The following MBOAT1 variants were observed in gnomAD, a reference collection of about 807,000 sequenced individuals.
MBOAT1 encodes membrane bound glycerophospholipid O-acyltransferase 1, also known as membrane-bound glycerophospholipid O-acyltransferase 1.
Under a neutral mutation model 64.4 loss-of-function variants are expected in MBOAT1, and 67 were observed. The observed-to-expected ratio is 1.04, with a 90% CI of 0.85 to 1.27. MBOAT1 has a LOEUF of 1.27. Among genes scored for constraint, MBOAT1 ranks in the 50% most tolerant of loss-of-function variants. MBOAT1 has a pLI of 0.00. For synonymous variants in MBOAT1, 229 were observed against 218.9 expected (o/e 1.05, Z -0.41); for missense variants, 563 against 604.6 (o/e 0.93, Z 0.72).
chr6:20,180,501 G>A (rs1329422931), intron 1 of MBOAT1, among the ~76,000 whole-genome samples: 1 of 152,120 alleles, frequency 6.6e-6, no homozygotes, highest in Non-Finnish European at 1.5e-5. Flanking sequence ...CCCTCGGACA[G>A]CTCGCTAACC....
intron 1 of MBOAT1, among the ~76,000 whole-genome samples, chr6:20,198,227 CAAA>C (rs5874758): frequency 1.8e-4 from 23 of 125,570 alleles, no homozygotes; most frequent in Admixed American, 4.8e-4. Context: ...GACTGTGTCT[CAAA>C]AAAAAAAAAA....
intron 1 of MBOAT1, among the ~76,000 whole-genome samples, chr6:20,155,271 T>G (rs1212914240): frequency 6.6e-6 from 1 of 152,182 alleles, no homozygotes; most frequent in Non-Finnish European, 1.5e-5. Context: ...TCTGGCAATT[T>G]TTGTTCTAAC....
intron 1 of MBOAT1, among the ~76,000 whole-genome samples, chr6:20,186,990 T>C (rs1762673185): frequency 6.6e-6 from 1 of 152,248 alleles, no homozygotes; most frequent in South Asian, 2.1e-4. Context: ...ATTGCAAAGT[T>C]AAACTTATTG....
At chr6:20,181,071 G>A (rs1257435032) in intron 1 of MBOAT1, among the ~76,000 whole-genome samples, 1 of 152,210 alleles carries the variant, frequency 6.6e-6, no homozygotes, top group Non-Finnish European at 1.5e-5. Context: ...ATAGAAACAG[G>A]ATGATTTCAT....
chr6:20,154,039 C>T (rs1761604604), intron 1 of MBOAT1, among the ~76,000 whole-genome samples: 1 of 152,164 alleles, frequency 6.6e-6, no homozygotes, highest in Non-Finnish European at 1.5e-5. Flanking sequence ...AAGATAGAGA[C>T]ACAACTTCAG....
In MBOAT1 at chr6:20,140,460, A is replaced by G. The variant is rs186716862; in HGVS notation, c.419+3760T>C. On this transcript the variant is annotated intron_variant, in intron 4 of 12. Transcript: ENST00000324607. ...CCAAAAGAGATTAGCATTTGAATCC[A>G]TGGACTGAATAAGGAAGATCCACCC... Among the ~76,000 whole-genome samples the G allele has an allele frequency of 1.7e-3, 255 of 152,340 alleles. 6 individuals are homozygous for G. The highest frequency in any genetic ancestry group is 0.015 in the Admixed American group (231 of 15,302).
At chr6:20,109,040 A>C (rs1334694949) in intron 12 of MBOAT1, among the ~76,000 whole-genome samples, 1 of 152,184 alleles carries the variant, frequency 6.6e-6, no homozygotes, top group Non-Finnish European at 1.5e-5. Context: ...CAGGTGTTTG[A>C]CTATAAAGGT....
At chr6:20,103,407 G>A (rs918387219) in intron 12 of MBOAT1, among the ~76,000 whole-genome samples, 2 of 151,248 alleles carry the variant, frequency 1.3e-5, no homozygotes, top group African/African-American at 4.9e-5. Context: ...TTTTGTTGTT[G>A]TTGTTTTGGT....
At chr6:20,151,569 C>G (rs1476380630) in intron 2 of MBOAT1, among the ~76,000 whole-genome samples, 2 of 152,084 alleles carry the variant, frequency 1.3e-5, no homozygotes, top group African/African-American at 4.8e-5. Flanking sequence ...TTCTTTAAGA[C>G]TTTATTTTTT....
At chr6:20,196,874 C>A (rs1429176348) in intron 1 of MBOAT1, among the ~76,000 whole-genome samples, 7 of 141,752 alleles carry the variant, frequency 4.9e-5, no homozygotes, top group Non-Finnish European at 9.3e-5. Flanking sequence ...AAAAAAAAAA[C>A]AAACAAACAA....
chr6:20,190,623 C>G (rs990733669), intron 1 of MBOAT1, among the ~76,000 whole-genome samples: 38 of 151,792 alleles, frequency 2.5e-4, no homozygotes, highest in Non-Finnish European at 2.2e-4. Flanking sequence ...TTGAGTATAC[C>G]ATAATTAAAT....
At chr6:20,120,393 GA>G (rs2082362931) in intron 8 of MBOAT1, among the ~76,000 whole-genome samples, 1 of 152,156 alleles carries the variant, frequency 6.6e-6, no homozygotes, top group Admixed American at 6.5e-5. Context: ...TGAGGCTAGA[GA>G]TATTAGGTAA....
At chr6:20,151,139 A>C (rs762696590) in intron 3 of MBOAT1, 46 bp downstream of exon 3, 14 of 1,434,606 alleles carry the variant, frequency 9.8e-6, no homozygotes, top group African/African-American at 4.2e-5. Context: ...AAAGATCACA[A>C]AAAAAAGAAA....
intron 6 of MBOAT1, among the ~76,000 whole-genome samples, chr6:20,127,687 C>G (rs914565028): frequency 2.0e-5 from 3 of 152,144 alleles, no homozygotes; most frequent in Non-Finnish European, 4.4e-5. Context: ...GATGGGACCA[C>G]CTAGTTGCAG....
intron 3 of MBOAT1, among the ~76,000 whole-genome samples, chr6:20,149,098 C>T (rs1761414291): frequency 8.8e-6 from 1 of 113,756 alleles, no homozygotes. Context: ...GAGACTCTGT[C>T]TCAAAAAAAA....
chr6:20,100,577 T>C lies in MBOAT1; in HGVS notation c.*1709A>G, dbSNP rs941897328. Among the ~76,000 whole-genome samples, 1 of 152,188 alleles carries C rather than the reference T, an allele frequency of 6.6e-6. No individual in the cohort carries two copies. Among genetic ancestry groups the C allele is most frequent in the Non-Finnish European group, 1.5e-5 (1 of 68,028 alleles). ...ACTCTCCCCCAGCACCAGGACTGTT[T>C]ACATGCTGTAGAGGAACAGGCACAT... On this transcript the variant is annotated 3_prime_UTR_variant, in exon 13 of 13. Transcript: ENST00000324607.
intron 1 of MBOAT1, among the ~76,000 whole-genome samples, chr6:20,210,867 C>A (rs1443714441): frequency 6.6e-6 from 1 of 152,034 alleles, no homozygotes; most frequent in South Asian, 2.1e-4. Flanking sequence ...AACAAACTCC[C>A]CTTAAGGAAA....
chr6:20,201,819 T>C (rs1043911912), intron 1 of MBOAT1, among the ~76,000 whole-genome samples: 2 of 152,052 alleles, frequency 1.3e-5, no homozygotes, highest in African/African-American at 4.8e-5. Flanking sequence ...TGACCTCAAG[T>C]GATCCACCCA....
intron 8 of MBOAT1, among the ~76,000 whole-genome samples, chr6:20,119,704 G>A (rs1050575819): frequency 6.6e-6 from 1 of 152,130 alleles, no homozygotes; most frequent in African/African-American, 2.4e-5. Flanking sequence ...TCATTCTCCC[G>A]TCGCCAACTG....
Sources: allele counts gnomAD v4.1 joint callset (sites outside exome capture counted in the v4.1 genomes callset), GRCh38; gene constraint gnomAD v4.1.1; transcripts MANE v1.5; gene names NCBI Gene and HGNC (gene_info 2026-07-23, HGNC 2026-07-21).